The following MYRIP variants were observed in gnomAD, a reference collection of about 807,000 sequenced individuals.
The protein encoded by MYRIP is myosin VIIA and Rab interacting protein.
Under a neutral mutation model 98.0 loss-of-function variants are expected in MYRIP, and 49 were observed. The observed-to-expected ratio is 0.50, with a 90% CI of 0.40 to 0.63. The LOEUF is 0.63. Ranked by LOEUF, MYRIP falls within the 30% of genes least tolerant of loss-of-function variation. The probability of loss-of-function intolerance (pLI) is 0.00; values close to 1 mark genes in which losing one functional copy is unlikely to be tolerated. For missense variants in MYRIP, 1,004 were observed against 1,058.2 expected (o/e 0.95, Z 0.71); for synonymous variants, 404 against 409.5 (o/e 0.99, Z 0.16).
At chr3:39,918,358 C>T (rs888754413) in intron 2 of MYRIP, among the ~76,000 whole-genome samples, 2 of 152,172 alleles carry the variant, frequency 1.3e-5, no homozygotes, top group Non-Finnish European at 2.9e-5. Context: ...ATGCCTTAGC[C>T]TCTGCCAGAG....
chr3:39,969,516 G>A (rs184096660), intron 2 of MYRIP, among the ~76,000 whole-genome samples: 271 of 152,240 alleles, frequency 1.8e-3, no homozygotes, highest in African/African-American at 6.1e-3. Context: ...AGTTTATTGA[G>A]AGTTTTTAAT....
intron 1 of MYRIP, among the ~76,000 whole-genome samples, chr3:39,888,525 A>C (rs1021008127): frequency 2.6e-5 from 4 of 152,170 alleles, no homozygotes; most frequent in Admixed American, 2.0e-4. Flanking sequence ...TACCAAAATC[A>C]ATTCAAGATG....
intron 12 of MYRIP, among the ~76,000 whole-genome samples, chr3:40,236,086 A>G (rs1199992164): frequency 6.6e-6 from 1 of 152,222 alleles, no homozygotes; most frequent in Non-Finnish European, 1.5e-5. Context: ...TCACATATAC[A>G]ACAGTGGTGG....
At chr3:40,241,738 A>G (rs532865611) in intron 12 of MYRIP, among the ~76,000 whole-genome samples, 9 of 152,340 alleles carry the variant, frequency 5.9e-5, no homozygotes, top group African/African-American at 1.7e-4. Flanking sequence ...ACAGGCATCA[A>G]TGACTAGAGT....
chr3:39,830,712 A>G (rs1941416648), intron 1 of MYRIP, among the ~76,000 whole-genome samples: 1 of 151,866 alleles, frequency 6.6e-6, no homozygotes, highest in South Asian at 2.1e-4. Context: ...CCTTCTCTCT[A>G]CCACATGTTT....
At chr3:40,080,946 A>T (rs1395281178) in intron 3 of MYRIP, among the ~76,000 whole-genome samples, 3 of 151,674 alleles carry the variant, frequency 2.0e-5, no homozygotes, top group Non-Finnish European at 2.9e-5. Flanking sequence ...TAGTAACTAG[A>T]TGTAGTCTTT....
At chr3:40,169,856 G>A in intron 7 of MYRIP, 94 bp from the exon 8 acceptor site, 1 of 1,491,264 alleles carries the variant, frequency 6.7e-7, no homozygotes, top group Non-Finnish European at 9.2e-7. Context: ...CTTATAAGTG[G>A]CTGAAAAAAA....
At chr3:39,921,291 T>C (rs964222894) in intron 2 of MYRIP, among the ~76,000 whole-genome samples, 1 of 152,222 alleles carries the variant, frequency 6.6e-6, no homozygotes, top group Non-Finnish European at 1.5e-5. Context: ...TGAGCACTGG[T>C]GAACTCTTCC....
At chr3:40,222,037 G>A (rs1412066172) in intron 11 of MYRIP, among the ~76,000 whole-genome samples, 2 of 152,144 alleles carry the variant, frequency 1.3e-5, no homozygotes, top group African/African-American at 4.8e-5. Flanking sequence ...ACCCAAGAGG[G>A]TTCTTGGTTT....
At chr3:40,183,174 C>T (rs1029563607) in intron 9 of MYRIP, among the ~76,000 whole-genome samples, 6 of 152,234 alleles carry the variant, frequency 3.9e-5, no homozygotes, top group Non-Finnish European at 8.8e-5. Context: ...TGGACAGGAA[C>T]TGGTCACGTG....
intron 1 of MYRIP, among the ~76,000 whole-genome samples, chr3:39,826,730 G>A (rs915997224): frequency 1.1e-4 from 16 of 152,074 alleles, no homozygotes; most frequent in African/African-American, 3.9e-4. Flanking sequence ...TGCTGAGAGT[G>A]GGGAGCTGAC....
At chr3:39,921,462 A>G (rs1161778834) in intron 2 of MYRIP, among the ~76,000 whole-genome samples, 1 of 152,220 alleles carries the variant, frequency 6.6e-6, no homozygotes, top group Non-Finnish European at 1.5e-5. Context: ...CATCATTTAA[A>G]CCATTTGTTT....
chr3:40,231,352 C>T (rs978699344), intron 11 of MYRIP, among the ~76,000 whole-genome samples: 1 of 152,232 alleles, frequency 6.6e-6, no homozygotes, highest in Non-Finnish European at 1.5e-5. Context: ...AGGGCAGGAA[C>T]TACATCCCTC....
intron 2 of MYRIP, among the ~76,000 whole-genome samples, chr3:40,003,314 G>T (rs1206756491): frequency 1.3e-5 from 2 of 152,142 alleles, no homozygotes; most frequent in African/African-American, 4.8e-5. Flanking sequence ...TTTAGGGAGT[G>T]GACATGCTCA....
intron 3 of MYRIP, among the ~76,000 whole-genome samples, chr3:40,112,614 G>T (rs929727177): frequency 1.3e-5 from 2 of 152,204 alleles, no homozygotes; most frequent in Admixed American, 1.3e-4. Context: ...GGTCACTGTG[G>T]CAGTGTGGAA....
rs569337450 is a variant in MYRIP, at chr3:40,154,769, A to G, written c.469+3585A>G. ...CTGTGTCCATGTGTTGTCACTGTTC[A>G]GCTGCCATTTATGAGAACAGAGAAC... is the stretch of plus-strand genomic sequence containing the variant. On this transcript the variant is annotated intron_variant, in intron 4 of 16. Coordinates refer to ENST00000302541, the MANE Select transcript of MYRIP (RefSeq NM_015460.4). Among the ~76,000 whole-genome samples, 92 of 152,232 alleles carry G rather than the reference A, an allele frequency of 6.0e-4. 1 individual carries two copies. Among genetic ancestry groups the G allele is most frequent in the African/African-American group, 2.1e-3 (88 of 41,546 alleles).
chr3:39,868,937 T>C (rs1466036626), intron 1 of MYRIP, among the ~76,000 whole-genome samples: 1 of 152,238 alleles, frequency 6.6e-6, no homozygotes, highest in African/African-American at 2.4e-5. Flanking sequence ...GGATCACTTG[T>C]ATGTGATGTG....
chr3:39,996,116 T>C (rs1378877773), intron 2 of MYRIP, among the ~76,000 whole-genome samples: 1 of 152,188 alleles, frequency 6.6e-6, no homozygotes, highest in East Asian at 1.9e-4. Flanking sequence ...AGGAAGGAAC[T>C]GCATCAACTA....
chr3:40,173,489 C>T (rs1950670330), intron 8 of MYRIP: 1 of 152,214 alleles, frequency 6.6e-6, no homozygotes, highest in South Asian at 2.1e-4. Flanking sequence ...GGACAGTGGG[C>T]TCTTGTATCA....
Sources: gnomAD v4.1 joint callset for allele counts (sites outside exome capture counted in the v4.1 genomes callset) on GRCh38, gnomAD v4.1.1 for gene constraint, MANE v1.5 for transcripts, NCBI Gene and HGNC (gene_info 2026-07-23, HGNC 2026-07-21) for gene names.